The following L3MBTL4 variants were observed in gnomAD, a reference collection of about 807,000 sequenced individuals.
The protein encoded by L3MBTL4 is L3MBTL histone methyl-lysine binding protein 4.
A neutral mutation model predicts 84.5 loss-of-function variants in L3MBTL4; 70 were observed. That is an observed-to-expected ratio of 0.83 (90% CI 0.68 to 1.01). The LOEUF (loss-of-function observed/expected upper bound fraction) is 1.01. Ranked by LOEUF, L3MBTL4 falls within the 50% of genes least tolerant of loss-of-function variation. The pLI is 0.00. For missense variants in L3MBTL4, 715 were observed against 754.8 expected, an observed-to-expected ratio of 0.95 and a Z score of 0.62; for synonymous variants, 274 against 259.8, an observed-to-expected ratio of 1.05 and a Z score of -0.52.
At chr18:6,084,639 T>C (rs911570854) in intron 15 of L3MBTL4, among the ~76,000 whole-genome samples, 5 of 152,186 alleles carry the variant, frequency 3.3e-5, no homozygotes, top group African/African-American at 1.2e-4. Context: ...TCTGCAGAGA[T>C]GGTTTCTGCC....
chr18:6,286,383 G>T (rs2049590005), intron 4 of L3MBTL4, among the ~76,000 whole-genome samples: 1 of 151,774 alleles, frequency 6.6e-6, no homozygotes, highest in Admixed American at 6.5e-5. Flanking sequence ...AGAATCGCTT[G>T]AACCCAGGAG....
chr18:5,966,044 C>T (rs983810884), intron 17 of L3MBTL4, among the ~76,000 whole-genome samples: 3 of 152,128 alleles, frequency 2.0e-5, no homozygotes, highest in Non-Finnish European at 2.9e-5. Flanking sequence ...AACTAAAGAC[C>T]GGGGCTCTCA....
chr18:6,035,433 A>C (rs2056082106), intron 16 of L3MBTL4, among the ~76,000 whole-genome samples: 1 of 150,510 alleles, frequency 6.6e-6, no homozygotes, highest in Admixed American at 6.6e-5. Context: ...TGTTTTTCTC[A>C]GGTTTGTCAA....
intron 15 of L3MBTL4, among the ~76,000 whole-genome samples, chr18:6,088,894 T>A (rs1328428203): frequency 6.6e-6 from 1 of 152,194 alleles, no homozygotes; most frequent in African/African-American, 2.4e-5. Context: ...ATTACTAATA[T>A]TAGCTTTCAA....
intron 1 of L3MBTL4, among the ~76,000 whole-genome samples, chr18:6,385,931 T>A (rs565761158): frequency 6.6e-6 from 1 of 152,300 alleles, no homozygotes; most frequent in African/African-American, 2.4e-5. Context: ...GATAAAGGTA[T>A]AAATATCACA....
intron 14 of L3MBTL4, among the ~76,000 whole-genome samples, chr18:6,099,853 A>C (rs1369625065): frequency 6.6e-6 from 1 of 151,938 alleles, no homozygotes; most frequent in East Asian, 1.9e-4. Context: ...ATCTATATCT[A>C]TCTACCTAAC....
intron 1 of L3MBTL4, among the ~76,000 whole-genome samples, chr18:6,371,414 G>T (rs772446202): frequency 3.3e-5 from 5 of 152,166 alleles, no homozygotes; most frequent in African/African-American, 9.7e-5. Flanking sequence ...GAGACCCTGC[G>T]GGGAGAGCCT....
intron 1 of L3MBTL4, among the ~76,000 whole-genome samples, chr18:6,413,761 C>T (rs2056068755): frequency 6.6e-6 from 1 of 152,190 alleles, no homozygotes; most frequent in African/African-American, 2.4e-5. Flanking sequence ...CCGAGTGGGT[C>T]GTGGTGACCA....
chr18:5,974,963 ATTGTT>A, intron 16 of L3MBTL4, among the ~76,000 whole-genome samples: 1 of 151,762 alleles, frequency 6.6e-6, no homozygotes, highest in South Asian at 2.1e-4. Flanking sequence ...CCCTGTCTCT[ATTGTT>A]TTGTTTTTTT....
chr18:6,277,818 T>G (rs1234644994), intron 4 of L3MBTL4, among the ~76,000 whole-genome samples: 1 of 152,142 alleles, frequency 6.6e-6, no homozygotes, highest in Non-Finnish European at 1.5e-5. Context: ...AAGGTAATAA[T>G]AAGTTTTTGT....
chr18:6,411,042 A>C (rs1462180380), intron 1 of L3MBTL4, among the ~76,000 whole-genome samples: 2 of 152,222 alleles, frequency 1.3e-5, no homozygotes, highest in Non-Finnish European at 2.9e-5. Context: ...CCGTGGAAAA[A>C]ATCGTTTGTA....
In L3MBTL4 at chr18:6,083,662, C is replaced by T. The variant is rs536377612; in HGVS notation, c.1374-2711G>A. ...TACTACTGTTGCACCAATTATTCCT[C>T]CTGAAGCCTGGCCCATAGCTTTTAT... On this transcript the variant is annotated intron_variant, in intron 15 of 18. Coordinates refer to ENST00000317931, the MANE Select transcript of L3MBTL4 (RefSeq NM_001330559.2). Among the ~76,000 whole-genome samples, 310 of 152,322 alleles carry T rather than the reference C, an allele frequency of 2.0e-3. 1 individual carries two copies. The highest frequency in any genetic ancestry group is 3.7e-3 in the Non-Finnish European group (252 of 68,034).
intron 10 of L3MBTL4, among the ~76,000 whole-genome samples, chr18:6,237,423 T>G (rs72875721): frequency 0.032 from 4,829 of 151,672 alleles, 111 homozygotes; most frequent in Non-Finnish European, 0.048. Context: ...AGCAACTTTG[T>G]TTCAATGGCT....
At chr18:6,244,096 G>A (rs1007560099) in intron 6 of L3MBTL4, among the ~76,000 whole-genome samples, 4 of 152,038 alleles carry the variant, frequency 2.6e-5, no homozygotes, top group Non-Finnish European at 5.9e-5. Flanking sequence ...TTCATAAAGT[G>A]AATGTATTTA....
chr18:6,294,614 C>T (rs1568449242), intron 4 of L3MBTL4, among the ~76,000 whole-genome samples: 1 of 152,200 alleles, frequency 6.6e-6, no homozygotes, highest in Non-Finnish European at 1.5e-5. Flanking sequence ...CCACCAGGCC[C>T]TCCCTACGTA....
intron 16 of L3MBTL4, among the ~76,000 whole-genome samples, chr18:5,970,246 G>A (rs2052573416): frequency 6.6e-6 from 1 of 152,212 alleles, no homozygotes; most frequent in Non-Finnish European, 1.5e-5. Flanking sequence ...CTTAGATGGG[G>A]TGCTCTTTTC....
At chr18:6,371,447 G>A (rs367750996) in intron 1 of L3MBTL4, among the ~76,000 whole-genome samples, 37 of 152,286 alleles carry the variant, frequency 2.4e-4, no homozygotes, top group East Asian at 2.1e-3. Context: ...TAAGTGCCCA[G>A]GGCAGCCCAG....
intron 16 of L3MBTL4, among the ~76,000 whole-genome samples, chr18:6,001,369 C>G (rs1390411314): frequency 6.6e-6 from 1 of 152,078 alleles, no homozygotes; most frequent in Non-Finnish European, 1.5e-5. Context: ...CATGCACGAC[C>G]AAGGAAAGCA....
intron 1 of L3MBTL4, among the ~76,000 whole-genome samples, chr18:6,373,404 C>T (rs571563900): frequency 2.6e-5 from 4 of 152,236 alleles, no homozygotes; most frequent in Admixed American, 6.5e-5. Flanking sequence ...TGCATAAAAA[C>T]GCAGACCAAC....
Sources: allele counts gnomAD v4.1 joint callset (sites outside exome capture counted in the v4.1 genomes callset), GRCh38; gene constraint gnomAD v4.1.1; transcripts MANE v1.5; gene names NCBI Gene and HGNC (gene_info 2026-07-23, HGNC 2026-07-21).